The following SYNPR variants were observed in gnomAD, a reference collection of about 807,000 sequenced individuals.
SYNPR encodes synaptoporin.
A neutral mutation model predicts 32.9 loss-of-function variants in SYNPR; 23 were observed. The observed-to-expected ratio is 0.70, with a 90% CI of 0.50 to 0.99. The LOEUF is 0.99. Ranked by LOEUF, SYNPR falls within the 50% of genes least tolerant of loss-of-function variation. The probability of loss-of-function intolerance (pLI) is 0.00; values close to 1 mark genes in which losing one functional copy is unlikely to be tolerated. For synonymous variants in SYNPR, 146 were observed against 135.9 expected (o/e 1.07, Z -0.52); for missense variants, 318 against 349.3 (o/e 0.91, Z 0.71).
At chr3:63,353,908 T>C (rs1282712007) in intron 2 of SYNPR, among the ~76,000 whole-genome samples, 1 of 152,198 alleles carries the variant, frequency 6.6e-6, no homozygotes, top group Non-Finnish European at 1.5e-5. Context: ...TGCTTTTGGA[T>C]CAACTAATGC....
At chr3:63,356,075 A>T (rs1266005080) in intron 2 of SYNPR, among the ~76,000 whole-genome samples, 1 of 152,162 alleles carries the variant, frequency 6.6e-6, no homozygotes, top group African/African-American at 2.4e-5. Flanking sequence ...TCAGGGAATA[A>T]GACATCATGT....
At chr3:63,442,469 C>A (rs1479356534) in intron 2 of SYNPR, among the ~76,000 whole-genome samples, 1 of 152,170 alleles carries the variant, frequency 6.6e-6, no homozygotes, top group Non-Finnish European at 1.5e-5. Context: ...GTCCACGATG[C>A]CAGTGTGAGA....
chr3:63,239,284 T>C (rs1394710330), intron 1 of SYNPR, among the ~76,000 whole-genome samples: 1 of 75,544 alleles, frequency 1.3e-5, no homozygotes, highest in Non-Finnish European at 3.1e-5. Context: ...TTGTCAAGTG[T>C]GTCATGCACC....
intron 4 of SYNPR, among the ~76,000 whole-genome samples, chr3:63,560,802 G>A (rs370403840): frequency 6.6e-6 from 1 of 152,064 alleles, no homozygotes; most frequent in Admixed American, 6.6e-5. Context: ...GAGAACAGCA[G>A]GGGGGGAACC....
chr3:63,433,709 C>T (rs776705659), intron 2 of SYNPR, among the ~76,000 whole-genome samples: 46 of 151,872 alleles, frequency 3.0e-4, no homozygotes, highest in Non-Finnish European at 4.6e-4. Context: ...TCCGAGGGTT[C>T]GGGAAGGTGT....
At chr3:63,220,504 C>T in the SYNPR span, among the ~76,000 whole-genome samples, 1 of 152,104 alleles carries the variant, frequency 6.6e-6, no homozygotes, top group African/African-American at 2.4e-5. Context: ...CCCTGTTAGG[C>T]TCTGTCACTG....
At chr3:63,219,208 C>T in the SYNPR span, among the ~76,000 whole-genome samples, 17 of 152,084 alleles carry the variant, frequency 1.1e-4, no homozygotes, top group African/African-American at 3.9e-4. Context: ...GGGATGGAGA[C>T]GTGCCAAGCG....
chr3:63,463,186 C>CT, intron 2 of SYNPR, among the ~76,000 whole-genome samples: 1 of 152,116 alleles, frequency 6.6e-6, no homozygotes, highest in Non-Finnish European at 1.5e-5. Flanking sequence ...AGCTATGTCA[C>CT]TTTACTGTGG....
At chr3:63,576,804 AG>A (rs951883084) in intron 4 of SYNPR, among the ~76,000 whole-genome samples, 9 of 150,870 alleles carry the variant, frequency 6.0e-5, no homozygotes, top group African/African-American at 2.2e-4. Flanking sequence ...AAAAAAAAAA[AG>A]AAAGAAAGAA....
At chr3:63,388,556 T>TGTGTG (rs2088086193) in intron 2 of SYNPR, among the ~76,000 whole-genome samples, 1 of 128,018 alleles carries the variant, frequency 7.8e-6, no homozygotes, top group African/African-American at 3.0e-5. Flanking sequence ...CCCGGCTAAT[T>TGTGTG]TGTGTGTGTG....
At chr3:63,220,498 G>T in the SYNPR span, among the ~76,000 whole-genome samples, 1 of 152,130 alleles carries the variant, frequency 6.6e-6, no homozygotes, top group Non-Finnish European at 1.5e-5. Flanking sequence ...GCTGCTCCCT[G>T]TTAGGCTCTG....
chr3:63,354,451 T>G (rs899250049), intron 2 of SYNPR, among the ~76,000 whole-genome samples: 3 of 152,198 alleles, frequency 2.0e-5, no homozygotes, highest in African/African-American at 7.2e-5. Flanking sequence ...TAGAGTTTGC[T>G]TTGCAAGTCC....
intron 4 of SYNPR, among the ~76,000 whole-genome samples, chr3:63,566,933 T>C (rs1033584528): frequency 1.3e-5 from 2 of 152,200 alleles, no homozygotes; most frequent in African/African-American, 4.8e-5. Context: ...CTGGTGTTGA[T>C]TAAATCTCAT....
chr3:63,332,970 T>C (rs1357522), intron 2 of SYNPR, among the ~76,000 whole-genome samples: 109,432 of 151,868 alleles, frequency 0.72, 41,213 homozygotes, highest in Non-Finnish European at 0.83. Context: ...CCCTGCCCCA[T>C]CTCCGCCACC....
intron 2 of SYNPR, among the ~76,000 whole-genome samples, chr3:63,408,255 AAG>A (rs2088400766): frequency 1.0e-4 from 12 of 120,552 alleles, no homozygotes; most frequent in African/African-American, 4.2e-4. Context: ...GAAAGAAAGA[AAG>A]AAAGAAAGAA....
At chr3:63,450,422 G>A (rs572654512) in intron 2 of SYNPR, among the ~76,000 whole-genome samples, 101 of 152,284 alleles carry the variant, frequency 6.6e-4, no homozygotes, top group Non-Finnish European at 1.3e-3. Context: ...AATTGCCCAA[G>A]CTCTATGGTG....
intron 2 of SYNPR, among the ~76,000 whole-genome samples, chr3:63,373,834 G>A (rs2087849981): frequency 1.3e-5 from 2 of 152,090 alleles, no homozygotes; most frequent in Non-Finnish European, 1.5e-5. Context: ...CTAGAGAGAA[G>A]GGGCTGGTCA....
At chr3:63,250,868 C>A (rs769377464) in intron 1 of SYNPR, among the ~76,000 whole-genome samples, 1 of 151,972 alleles carries the variant, frequency 6.6e-6, no homozygotes, top group Non-Finnish European at 1.5e-5. Flanking sequence ...TCCTATGGAC[C>A]CATTAAATTA....
intron 2 of SYNPR, among the ~76,000 whole-genome samples, chr3:63,343,881 A>T (rs903867216): frequency 6.6e-5 from 10 of 152,246 alleles, no homozygotes; most frequent in African/African-American, 2.4e-4. Flanking sequence ...AATCCAAGGC[A>T]GGAAACCTGC....
Sources: allele counts gnomAD v4.1 joint callset (sites outside exome capture counted in the v4.1 genomes callset), GRCh38; gene constraint gnomAD v4.1.1; transcripts MANE v1.5; gene names NCBI Gene and HGNC (gene_info 2026-07-23, HGNC 2026-07-21).